Variants in SCML4 observed in about 807,000 individuals in gnomAD.
SCML4 encodes Scm polycomb group protein like 4.
Under a neutral mutation model 41.1 loss-of-function variants are expected in SCML4, and 34 were observed. The observed-to-expected ratio is 0.83, with a 90% CI of 0.63 to 1.10. SCML4 has a LOEUF of 1.10. Among genes scored for constraint, SCML4 ranks in the 50% least tolerant of loss-of-function variants. The probability of loss-of-function intolerance (pLI) is 0.00; values close to 1 mark genes in which losing one functional copy is unlikely to be tolerated. For missense variants in SCML4, 522 were observed against 534.1 expected, an observed-to-expected ratio of 0.98 and a Z score of 0.22; for synonymous variants, 214 against 220.9, an observed-to-expected ratio of 0.97 and a Z score of 0.28.
At chr6:107,841,878 G>C in the SCML4 span, among the ~76,000 whole-genome samples, 1 of 152,090 alleles carries the variant, frequency 6.6e-6, no homozygotes. Flanking sequence ...TAGAGACTTA[G>C]GACTCTCATG....
At chr6:107,829,212 C>T (rs1449015113), upstream of SCML4, among the ~76,000 whole-genome samples, 1 of 151,904 alleles carries the variant, frequency 6.6e-6, no homozygotes, top group Non-Finnish European at 1.5e-5. Context: ...GACCTTGTCT[C>T]TACAAAAAAT....
In SCML4 at chr6:107,703,342, A is replaced by T. The variant is rs1773327488; in HGVS notation, c.*1858T>A. On this transcript the variant is annotated 3_prime_UTR_variant, in exon 8 of 8. Transcript: ENST00000369020. ...CCCCTTCCTGTAACAAAATCACCAGACATCAAGCTCTTCTACAATCTAATA... is the reference window on the plus strand; with the variant it reads ...CCCCTTCCTGTAACAAAATCACCAGTCATCAAGCTCTTCTACAATCTAATA... Among the ~76,000 whole-genome samples the T allele has an allele frequency of 6.6e-6, 1 of 152,124 alleles. No individual in the cohort carries two copies. Among genetic ancestry groups the T allele is most frequent in the Admixed American group, 6.5e-5 (1 of 15,278 alleles).
At chr6:107,781,542 G>A (rs2114595329) in intron 1 of SCML4, among the ~76,000 whole-genome samples, 1 of 152,160 alleles carries the variant, frequency 6.6e-6, no homozygotes, top group South Asian at 2.1e-4. Context: ...AGCTATTCAG[G>A]AGGCTGAAGT....
chr6:107,779,139 C>T (rs1781283002), intron 1 of SCML4, among the ~76,000 whole-genome samples: 1 of 151,934 alleles, frequency 6.6e-6, no homozygotes, highest in Admixed American at 6.6e-5. Context: ...AAGATCGCGC[C>T]ACTGCACTCC....
At chr6:107,745,972 G>A (rs948385403) in intron 4 of SCML4, 1 of 151,692 alleles carries the variant, frequency 6.6e-6, no homozygotes, top group African/African-American at 2.4e-5. Flanking sequence ...TAGCCTAGGC[G>A]ACAGAGTGAG....
At chr6:107,715,617 A>T (rs943841307) in intron 6 of SCML4, among the ~76,000 whole-genome samples, 11 of 152,186 alleles carry the variant, frequency 7.2e-5, no homozygotes, top group Admixed American at 6.5e-5. Context: ...AAGAGCTCTC[A>T]AACTTTCACC....
intron 4 of SCML4, 79 bp downstream of exon 4, chr6:107,746,610 G>A (rs931948768): frequency 6.0e-5 from 78 of 1,309,254 alleles, no homozygotes; most frequent in Non-Finnish European, 8.2e-5. Flanking sequence ...CACACCTGCT[G>A]TCTCCAGGCC....
intron 1 of SCML4, among the ~76,000 whole-genome samples, chr6:107,816,201 G>A (rs946180432): frequency 6.6e-6 from 1 of 152,214 alleles, no homozygotes; most frequent in Non-Finnish European, 1.5e-5. Context: ...CTCCTGTATT[G>A]ACTTCCTGTG....
intron 1 of SCML4, among the ~76,000 whole-genome samples, chr6:107,792,426 C>T (rs370211847): frequency 2.0e-4 from 31 of 152,194 alleles, no homozygotes; most frequent in African/African-American, 7.2e-4. Context: ...ATCAATCAGA[C>T]GAAAACTTTA....
At chr6:107,788,324 A>G (rs1004916253) in intron 1 of SCML4, among the ~76,000 whole-genome samples, 1 of 152,188 alleles carries the variant, frequency 6.6e-6, no homozygotes, top group African/African-American at 2.4e-5. Context: ...GAGCCATGTC[A>G]CCAGGCTGCC....
chr6:107,709,963 G>A, intron 6 of SCML4, among the ~76,000 whole-genome samples: 1 of 152,076 alleles, frequency 6.6e-6, no homozygotes, highest in Non-Finnish European at 1.5e-5. Context: ...ACCCATCTTG[G>A]CCTCCCAAAG....
At chr6:107,720,658 A>G in intron 6 of SCML4, 45 bp downstream of exon 6, 1 of 1,495,494 alleles carries the variant, frequency 6.7e-7, no homozygotes, top group African/African-American at 1.4e-5. Flanking sequence ...GCGCAAGGGC[A>G]AGGGATGTTA....
At chr6:107,808,956 A>T (rs1583646371) in intron 1 of SCML4, among the ~76,000 whole-genome samples, 1 of 152,356 alleles carries the variant, frequency 6.6e-6, no homozygotes, top group East Asian at 1.9e-4. Flanking sequence ...GAGTGAGTAC[A>T]TCAGTGCTAT....
intron 2 of SCML4, among the ~76,000 whole-genome samples, chr6:107,761,797 G>GA (rs1323593078): frequency 2.2e-4 from 13 of 59,718 alleles, no homozygotes; most frequent in East Asian, 5.3e-4. Flanking sequence ...TCTACACCCA[G>GA]AAAAAAAAGT....
intron 5 of SCML4, among the ~76,000 whole-genome samples, chr6:107,722,748 G>A (rs898400599): frequency 6.6e-6 from 1 of 152,158 alleles, no homozygotes; most frequent in Non-Finnish European, 1.5e-5. Context: ...GATGGATGTG[G>A]AGCTTGACTA....
intron 1 of SCML4, among the ~76,000 whole-genome samples, chr6:107,796,590 C>T (rs978031974): frequency 6.6e-6 from 1 of 152,122 alleles, no homozygotes; most frequent in Non-Finnish European, 1.5e-5. Flanking sequence ...CAGTCTGTGG[C>T]TTATCTATTC....
Position 107,751,792 on chromosome 6 carries a change from C to G in SCML4, c.157-1979G>C, listed in dbSNP as rs191435277. Among the ~76,000 whole-genome samples the G allele has an allele frequency of 2.0e-3, 309 of 152,052 alleles. 1 individual carries two copies. Among genetic ancestry groups the G allele is most frequent in the African/African-American group, 6.8e-3 (282 of 41,490 alleles). On this transcript the variant is annotated intron_variant, in intron 2 of 7. Transcript: ENST00000369020. The stretch of plus-strand genomic sequence containing the variant: ...CTGGGATTACAGGTGCCCGCCACCA[C>G]GCCTAGCTAATTTTTGTATTTTTAG...
chr6:107,810,382 C>CAAAGTATATCTCA (rs1583650308), intron 1 of SCML4, among the ~76,000 whole-genome samples: 2 of 152,230 alleles, frequency 1.3e-5, no homozygotes, highest in East Asian at 3.9e-4. Context: ...CTCCTCTCAT[C>CAAAGTATATCTCA]GCTTGGGATA....
At chr6:107,807,332 A>G (rs988849928) in intron 1 of SCML4, among the ~76,000 whole-genome samples, 1 of 152,148 alleles carries the variant, frequency 6.6e-6, no homozygotes, top group Non-Finnish European at 1.5e-5. Flanking sequence ...CCCACCAGGC[A>G]TCTTCCTCCT....
Sources: allele counts gnomAD v4.1 joint callset (sites outside exome capture counted in the v4.1 genomes callset), GRCh38; gene constraint gnomAD v4.1.1; transcripts MANE v1.5; gene names NCBI Gene and HGNC (gene_info 2026-07-23, HGNC 2026-07-21).